DNAH3: variants seen among roughly 807,000 people sequenced by gnomAD.
DNAH3 encodes the protein axonemal beta dynein heavy chain 3.
In DNAH3, 332 loss-of-function variants were observed where a neutral mutation model predicts 432.5. That is an observed-to-expected ratio of 0.77 (90% CI 0.70 to 0.84). The LOEUF (loss-of-function observed/expected upper bound fraction) is 0.84, where lower values mean the gene tolerates loss of function less well. Among genes scored for constraint, DNAH3 ranks in the 40% least tolerant of loss-of-function variants. The pLI, the probability that DNAH3 is intolerant of heterozygous loss-of-function variation, is 0.00. For missense variants in DNAH3, 4,861 were observed against 5,114.0 expected (o/e 0.95, Z 1.51); for synonymous variants, 1,956 against 1,900.2 (o/e 1.03, Z -0.76).
intron 15 of DNAH3, among the ~76,000 whole-genome samples, chr16:21,104,930 G>T (rs531924518): frequency 1.1e-3 from 175 of 152,290 alleles, no homozygotes; most frequent in Non-Finnish European, 2.1e-3. Context: ...TCCTAGGCTA[G>T]GTCTGAGTCA....
Position 20,973,544 on chromosome 16 carries a change from T to C in DNAH3, c.8259+1689A>G, listed in dbSNP as rs112098627. 2.0e-3 allele frequency among the ~76,000 whole-genome samples: 310 copies of C among 152,276 alleles called. 2 individuals carry two copies. Among genetic ancestry groups the C allele is most frequent in the African/African-American group, 6.8e-3 (281 of 41,564 alleles). On this transcript the variant is annotated intron_variant, in intron 51 of 61. Transcript: ENST00000261383. ...CTGGGATTACAGGCATGAGCCACCT[T>C]TCCCGGCCCTATCTGTCATTCTGAA... is the stretch of plus-strand genomic sequence containing the variant.
In DNAH3 at chr16:21,155,783, C is replaced by G. The variant is rs377377450; in HGVS notation, c.117+3542G>C. Among the ~76,000 whole-genome samples, 35 of 151,968 alleles carry G rather than the reference C, an allele frequency of 2.3e-4. 1 individual carries two copies. The South Asian group carries it at 3.8e-3, about 16-fold the overall frequency. On this transcript the variant is annotated intron_variant, in intron 1 of 61. Transcript: ENST00000261383. ...TTGCCAAATCTGCCAACATGGGGAG[C>G]AGAGGTCAGCAAGGTTCCAAGTTGC...
At chr16:20,981,785 C>A (rs897337434) in intron 49 of DNAH3, among the ~76,000 whole-genome samples, 2 of 151,680 alleles carry the variant, frequency 1.3e-5, no homozygotes, top group African/African-American at 4.8e-5. Flanking sequence ...TACTGTGTGC[C>A]AAGCACCTTC....
In DNAH3 at chr16:21,154,905, GAA is replaced by G. The variant is rs561483807; in HGVS notation, c.117+4418_117+4419del. On this transcript the variant is annotated intron_variant, in intron 1 of 61. Coordinates refer to ENST00000261383, the Ensembl canonical transcript of DNAH3. The stretch of plus-strand genomic sequence containing the variant: ...CAACTTTGTGTTGGATAATTCTTAA[GAA>G]AGGATATAGGCTTCAAGTTTCTCAA... Among the ~76,000 whole-genome samples, 47 of 151,626 alleles carry G rather than the reference GAA, an allele frequency of 3.1e-4. No homozygotes were observed. The South Asian group carries it at 9.8e-3, about 32-fold the overall frequency.
chr16:20,953,832 C>A (rs753123350), intron 55 of DNAH3, among the ~76,000 whole-genome samples: 7 of 151,348 alleles, frequency 4.6e-5, no homozygotes, highest in African/African-American at 1.5e-4. Context: ...GCAGCCTCCA[C>A]CTTCTCGCCT....
chr16:21,081,109 G>C lies in DNAH3; in HGVS notation c.2969+527C>G, dbSNP rs576721707. Among the ~76,000 whole-genome samples the C allele has an allele frequency of 2.5e-3, 387 of 152,032 alleles. 2 individuals carry two copies. Among genetic ancestry groups the C allele is most frequent in the Non-Finnish European group, 4.4e-3 (300 of 67,976 alleles). ...GCTTTTGTATTTTTAGTAGAAACGG[G>C]GGTTTCACTATGTTGGCCAGGCTGG... On this transcript the variant is annotated intron_variant, in intron 20 of 61. Transcript: ENST00000261383.
chr16:21,053,551 A>T (rs2090030412), intron 28 of DNAH3, among the ~76,000 whole-genome samples: 1 of 152,182 alleles, frequency 6.6e-6, no homozygotes, highest in Admixed American at 6.5e-5. Flanking sequence ...GTATAACCAC[A>T]TCTGCACCAA....
intron 42 of DNAH3, among the ~76,000 whole-genome samples, chr16:21,001,335 A>G (rs1427901681): frequency 6.6e-6 from 1 of 152,128 alleles, no homozygotes; most frequent in Non-Finnish European, 1.5e-5. Context: ...GGGGAAGATG[A>G]TTATATCATA....
intron 25 of DNAH3, among the ~76,000 whole-genome samples, chr16:21,062,175 G>A (rs922706395): frequency 6.6e-6 from 1 of 152,142 alleles, no homozygotes; most frequent in Non-Finnish European, 1.5e-5. Context: ...ACTGAACTCT[G>A]CACATGGAAA....
chr16:21,070,629 G>C (rs2090746708), intron 22 of DNAH3, 81 bp downstream of exon 22: 2 of 830,804 alleles, frequency 2.4e-6, no homozygotes, highest in African/African-American at 3.4e-5. Context: ...TTTGTTAACT[G>C]AACGTGAAAA....
rs747474905 is a variant in DNAH3, at chr16:21,019,759, C to T, written c.5887G>A (p.Val1963Met). Residue 1963 changes from valine (V) to methionine (M), a missense_variant, in exon 41 of 62, where the codon GTG (valine) becomes ATG (methionine). Coordinates refer to ENST00000261383, the Ensembl canonical transcript of DNAH3. ...CTGTCTGCGTTGATGGTGCCAGCCA[C>T]GGTCCACACCAAGGAAAAGAGAAAC... The T allele has an allele frequency of 3.8e-5, 62 of 1,613,992 alleles. No individual in the cohort carries two copies. The highest frequency in any genetic ancestry group is 1.6e-4 in the Middle Eastern group (1 of 6,084).
At chr16:20,968,218 G>A (rs1038447961) in intron 52 of DNAH3, among the ~76,000 whole-genome samples, 9 of 152,074 alleles carry the variant, frequency 5.9e-5, no homozygotes, top group East Asian at 5.8e-4. Context: ...ACAGACATGC[G>A]CCAGCATGCC....
Position 20,982,732 on chromosome 16 carries a change from G to A in DNAH3, c.7848C>T (p.Asn2616=), listed in dbSNP as rs558301506. 4.5e-5 allele frequency: 72 copies of A among 1,614,010 alleles called. 1 individual carries two copies. The South Asian group carries it at 7.2e-4, about 16-fold the overall frequency. Residue 2616 remains asparagine, a synonymous_variant, in exon 49 of 62, where the codon AAC becomes AAT. Transcript: ENST00000261383. The stretch of plus-strand genomic sequence containing the variant: ...CAATCAACACTTACTCTACCCGAAT[G>A]TTGTCATCAAGCTCCACATCCTCTA...
intron 59 of DNAH3, among the ~76,000 whole-genome samples, chr16:20,937,156 C>A (rs534948066): frequency 6.6e-6 from 1 of 151,872 alleles, no homozygotes; most frequent in Non-Finnish European, 1.5e-5. Context: ...CTAAATTGTC[C>A]TTTTTTTCTT....
chr16:21,113,505 CTGGAG>C (rs1484712505), intron 12 of DNAH3, among the ~76,000 whole-genome samples: 4 of 152,186 alleles, frequency 2.6e-5, no homozygotes, highest in Admixed American at 6.5e-5. Flanking sequence ...GTAACCCAGG[CTGGAG>C]TGCAGTGCTG....
chr16:20,938,770 G>C (rs1373601123), intron 59 of DNAH3, among the ~76,000 whole-genome samples: 4 of 151,228 alleles, frequency 2.6e-5, no homozygotes, highest in African/African-American at 9.7e-5. Context: ...AAATAAGATT[G>C]CTTTCCCTGT....
intron 52 of DNAH3, among the ~76,000 whole-genome samples, chr16:20,967,465 T>C (rs1180595392): frequency 6.8e-6 from 1 of 146,380 alleles, no homozygotes; most frequent in Non-Finnish European, 1.5e-5. Context: ...GGAATGAGAC[T>C]CTCTAGGAGT....
intron 28 of DNAH3, among the ~76,000 whole-genome samples, chr16:21,053,843 C>G (rs1238242106): frequency 1.3e-5 from 2 of 151,758 alleles, no homozygotes; most frequent in Non-Finnish European, 2.9e-5. Flanking sequence ...CCTCCTCCTC[C>G]TCCTCTTCCT....
At chr16:21,157,024 C>CACACACACAA (rs894378535) in intron 1 of DNAH3, among the ~76,000 whole-genome samples, 4 of 151,764 alleles carry the variant, frequency 2.6e-5, no homozygotes, top group African/African-American at 4.9e-5. Flanking sequence ...CACACACACA[C>CACACACACAA]AATCTTTTCC....
Sources: gnomAD v4.1 joint callset for allele counts (sites outside exome capture counted in the v4.1 genomes callset) on GRCh38, gnomAD v4.1.1 for gene constraint, MANE v1.5 for transcripts, NCBI Gene and HGNC (gene_info 2026-07-23, HGNC 2026-07-21) for gene names.